SLC37A3: variants seen among roughly 807,000 people sequenced by gnomAD.
The protein encoded by SLC37A3 is sugar phosphate exchanger 3.
A neutral mutation model predicts 67.1 loss-of-function variants in SLC37A3; 51 were observed. The ratio of observed to expected loss-of-function variants is 0.76; its 90% CI spans 0.61 to 0.96. The LOEUF is 0.96. SLC37A3 is among the 40% of genes least tolerant of loss of function. The pLI, the probability that SLC37A3 is intolerant of heterozygous loss-of-function variation, is 0.00. For synonymous variants in SLC37A3, 214 were observed against 231.4 expected (o/e 0.92, Z 0.68); for missense variants, 508 against 603.0 (o/e 0.84, Z 1.65).
intron 3 of SLC37A3, among the ~76,000 whole-genome samples, 161 bp from the exon 4 acceptor site, chr7:140,369,843 G>A (rs537025091): frequency 9.8e-5 from 15 of 152,334 alleles, no homozygotes; most frequent in African/African-American, 3.6e-4. Flanking sequence ...GGGCACAGTG[G>A]CTCACGCCTG....
intron 7 of SLC37A3, among the ~76,000 whole-genome samples, chr7:140,353,920 CA>C (rs1311884051): frequency 6.6e-6 from 1 of 152,100 alleles, no homozygotes; most frequent in Non-Finnish European, 1.5e-5. Context: ...TCATGTTGGC[CA>C]GGCTGGTCTT....
chr7:140,379,746 T>C (rs890006947), intron 3 of SLC37A3: 4 of 150,610 alleles, frequency 2.7e-5, no homozygotes, highest in African/African-American at 9.8e-5. Context: ...AAAAAAAGAT[T>C]AGCTGGGCAT....
At chr7:140,355,620 G>GCA (rs1415198991) in intron 7 of SLC37A3, 48 bp downstream of exon 7, 3 of 1,479,978 alleles carry the variant, frequency 2.0e-6, no homozygotes, top group Non-Finnish European at 2.8e-6. Flanking sequence ...ATACACATGT[G>GCA]CACACAGAGA....
chr7:140,351,211 C>A, intron 9 of SLC37A3, 62 bp downstream of exon 9: 1 of 1,499,138 alleles, frequency 6.7e-7, no homozygotes, highest in Non-Finnish European at 9.1e-7. Context: ...TTATCTCAGG[C>A]AGAGGAGATG....
At chr7:140,363,138 C>T (rs1460349087) in intron 5 of SLC37A3, among the ~76,000 whole-genome samples, 104 of 84,674 alleles carry the variant, frequency 1.2e-3, no homozygotes, top group African/African-American at 4.7e-3. Context: ...GCCCGGCCGC[C>T]CCTACTGGGA....
intron 12 of SLC37A3, among the ~76,000 whole-genome samples, chr7:140,344,803 C>T (rs1401985858): frequency 6.6e-6 from 1 of 152,110 alleles, no homozygotes; most frequent in Non-Finnish European, 1.5e-5. Context: ...TAACATAGTC[C>T]CTAAATGCAC....
Position 140,336,151 on chromosome 7 carries a change from A to G in SLC37A3, c.1393-647T>C, listed in dbSNP as rs188863158. On this transcript the variant is annotated intron_variant, in intron 14 of 14. Coordinates refer to ENST00000326232, the MANE Select transcript of SLC37A3 (RefSeq NM_207113.3). ...GCACTGTCCCACAATAACGTGCCTG[A>G]GTATGTCACAGCTCATAACAGAGAG... Among the ~76,000 whole-genome samples, 8 of 152,376 alleles carry G rather than the reference A, an allele frequency of 5.3e-5. No homozygotes were observed. In the East Asian group the frequency reaches 1.5e-3, roughly 29 times the overall value.
At chr7:140,361,761 G>A (rs1181945391) in intron 5 of SLC37A3, among the ~76,000 whole-genome samples, 6 of 142,396 alleles carry the variant, frequency 4.2e-5, no homozygotes, top group African/African-American at 1.4e-4. Context: ...TGTGTCGGCC[G>A]GGCTGGTCTC....
intron 13 of SLC37A3, among the ~76,000 whole-genome samples, chr7:140,340,247 T>A (rs1199488352): frequency 2.6e-5 from 4 of 152,166 alleles, no homozygotes; most frequent in Non-Finnish European, 5.9e-5. Context: ...TAATCCATTT[T>A]GAGGTAATTT....
At chr7:140,340,329 C>T (rs1796311536) in intron 13 of SLC37A3, among the ~76,000 whole-genome samples, 1 of 150,646 alleles carries the variant, frequency 6.6e-6, no homozygotes, top group African/African-American at 2.4e-5. Context: ...CACTCCTCAG[C>T]TCCAACTTCA....
chr7:140,353,832 C>A (rs1796914289), intron 7 of SLC37A3, among the ~76,000 whole-genome samples: 1 of 152,062 alleles, frequency 6.6e-6, no homozygotes, highest in Non-Finnish European at 1.5e-5. Context: ...CTGCCTCAGC[C>A]TCTGGAGTAG....
chr7:140,353,924 C>T (rs1796919133), intron 7 of SLC37A3, among the ~76,000 whole-genome samples: 1 of 152,104 alleles, frequency 6.6e-6, no homozygotes, highest in African/African-American at 2.4e-5. Flanking sequence ...GTTGGCCAGG[C>T]TGGTCTTGAA....
chr7:140,346,012 A>G, intron 10 of SLC37A3, 42 bp from the exon 11 acceptor site: 1 of 1,467,250 alleles, frequency 6.8e-7, no homozygotes, highest in Non-Finnish European at 9.6e-7. Context: ...CTTCTAATTT[A>G]GCTCGCTCAC....
At chr7:140,349,096 T>C in intron 9 of SLC37A3, among the ~76,000 whole-genome samples, 1 of 152,196 alleles carries the variant, frequency 6.6e-6, no homozygotes, top group Non-Finnish European at 1.5e-5. Context: ...GCAGAGCACA[T>C]ACCCATATTT....
At chr7:140,346,113 C>T (rs1176423828) in intron 10 of SLC37A3, 143 bp from the exon 11 acceptor site, 3 of 636,194 alleles carry the variant, frequency 4.7e-6, no homozygotes, top group Non-Finnish European at 8.6e-6. Flanking sequence ...GGCTCGGTGG[C>T]TCACACCTGT....
intron 3 of SLC37A3, among the ~76,000 whole-genome samples, chr7:140,375,625 G>A (rs934517125): frequency 6.6e-6 from 1 of 152,186 alleles, no homozygotes; most frequent in African/African-American, 2.4e-5. Context: ...TCACACACGT[G>A]TGTGAATACT....
chr7:140,391,610 T>TC, intron 1 of SLC37A3, among the ~76,000 whole-genome samples: 1 of 152,090 alleles, frequency 6.6e-6, no homozygotes. Flanking sequence ...TCCAAATCTA[T>TC]CCCTCCCCTG....
intron 11 of SLC37A3, 108 bp downstream of exon 11, chr7:140,345,761 A>G (rs1796530684): frequency 3.6e-6 from 3 of 836,430 alleles, no homozygotes; most frequent in Non-Finnish European, 6.3e-6. Flanking sequence ...CGGGCCTTGA[A>G]GCTGGTCTCC....
chr7:140,356,179 G>A lies in SLC37A3; in HGVS notation c.522-415C>T, dbSNP rs1797019477. 2.7e-5 allele frequency among the ~76,000 whole-genome samples: 4 copies of A among 145,592 alleles called. No homozygotes were observed. In the South Asian group the frequency reaches 8.7e-4, roughly 32 times the overall value. On this transcript the variant is annotated intron_variant, in intron 6 of 14. Coordinates refer to ENST00000326232, the MANE Select transcript of SLC37A3 (RefSeq NM_207113.3). The stretch of plus-strand genomic sequence containing the variant: ...ACTGCACTCCAGCCTTGACAACAAA[G>A]CGAGACTCCACCTCCCAAAAAAAAA...
Sources: gnomAD v4.1 joint callset for allele counts (sites outside exome capture counted in the v4.1 genomes callset) on GRCh38, gnomAD v4.1.1 for gene constraint, MANE v1.5 for transcripts, NCBI Gene and HGNC (gene_info 2026-07-23, HGNC 2026-07-21) for gene names.